The following OPCML variants were observed in gnomAD, a reference collection of about 807,000 sequenced individuals.
OPCML encodes opioid-binding protein/cell adhesion molecule.
In OPCML, 13 loss-of-function variants were observed where a neutral mutation model predicts 37.8. The ratio of observed to expected loss-of-function variants is 0.34; its 90% CI spans 0.22 to 0.55. The LOEUF (loss-of-function observed/expected upper bound fraction) is 0.55, where lower values mean the gene tolerates loss of function less well. Ranked by LOEUF, OPCML falls within the 20% of genes least tolerant of loss-of-function variation. OPCML has a pLI of 0.91. For synonymous variants in OPCML, 176 were observed against 168.8 expected (o/e 1.04, Z -0.33); for missense variants, 341 against 435.6 (o/e 0.78, Z 1.93).
intron 1 of OPCML, among the ~76,000 whole-genome samples, chr11:133,352,375 A>T (rs1944161239): frequency 6.6e-6 from 1 of 152,128 alleles, no homozygotes; most frequent in African/African-American, 2.4e-5. Flanking sequence ...TTGGCCGGGA[A>T]TGCTCTTTCC....
chr11:132,784,233 T>C (rs1434074853), intron 2 of OPCML, among the ~76,000 whole-genome samples: 1 of 152,152 alleles, frequency 6.6e-6, no homozygotes, highest in East Asian at 1.9e-4. Context: ...CTTGTAACAA[T>C]TTGCCTTAAC....
intron 2 of OPCML, among the ~76,000 whole-genome samples, chr11:132,676,001 G>GA (rs538782679): frequency 2.0e-5 from 3 of 152,076 alleles, no homozygotes; most frequent in African/African-American, 7.2e-5. Context: ...TGTAAAAGGA[G>GA]AAAAAAGTTG....
intron 1 of OPCML, among the ~76,000 whole-genome samples, chr11:133,501,973 A>ACGAC (rs956231143): frequency 6.7e-6 from 1 of 149,840 alleles, no homozygotes; most frequent in African/African-American, 2.5e-5. Flanking sequence ...CGCCCCTTCC[A>ACGAC]CGACCGCTGC....
intron 2 of OPCML, among the ~76,000 whole-genome samples, chr11:132,732,441 T>C (rs1005342779): frequency 5.9e-5 from 9 of 152,280 alleles, no homozygotes; most frequent in Admixed American, 5.9e-4. Context: ...TGGGTTTATC[T>C]TGAGGGTATT....
chr11:132,556,008 GGCCCACTGCA>G (rs1426575311), intron 3 of OPCML, among the ~76,000 whole-genome samples: 6 of 151,940 alleles, frequency 3.9e-5, no homozygotes, highest in Non-Finnish European at 7.4e-5. Flanking sequence ...GTGTGATCAT[GGCCCACTGCA>G]GCCTCGACCT....
chr11:132,510,654 T>C (rs1368914634), intron 4 of OPCML, among the ~76,000 whole-genome samples: 1 of 152,208 alleles, frequency 6.6e-6, no homozygotes, highest in African/African-American at 2.4e-5. Flanking sequence ...GCTGCCACCA[T>C]GTAAGAAATA....
chr11:132,953,457 G>C (rs981824452), intron 1 of OPCML, among the ~76,000 whole-genome samples: 2 of 152,102 alleles, frequency 1.3e-5, no homozygotes, highest in African/African-American at 4.8e-5. Flanking sequence ...AAAGGCTGGA[G>C]ACCCCTATAA....
chr11:132,835,284 G>A (rs546417397), intron 2 of OPCML, among the ~76,000 whole-genome samples: 2 of 152,210 alleles, frequency 1.3e-5, no homozygotes, highest in Non-Finnish European at 2.9e-5. Context: ...AGACTGCTGC[G>A]GAAGTGTGGG....
At chr11:132,504,968 G>GC (rs1398643625) in intron 4 of OPCML, among the ~76,000 whole-genome samples, 1 of 152,000 alleles carries the variant, frequency 6.6e-6, no homozygotes, top group Non-Finnish European at 1.5e-5. Flanking sequence ...GTCAATGAGT[G>GC]CCCCCCAAGC....
At chr11:133,142,244 C>A (rs1005674689) in intron 1 of OPCML, among the ~76,000 whole-genome samples, 3 of 152,180 alleles carry the variant, frequency 2.0e-5, no homozygotes, top group African/African-American at 7.2e-5. Flanking sequence ...GGTCGCAACT[C>A]ATTAATAAAT....
intron 2 of OPCML, among the ~76,000 whole-genome samples, chr11:132,871,722 A>G (rs1360463467): frequency 2.0e-5 from 3 of 152,224 alleles, no homozygotes; most frequent in African/African-American, 4.8e-5. Flanking sequence ...TACGCACTCA[A>G]ATAGCCATGT....
intron 2 of OPCML, among the ~76,000 whole-genome samples, chr11:132,878,681 C>A (rs1421440448): frequency 6.6e-6 from 1 of 152,050 alleles, no homozygotes; most frequent in Non-Finnish European, 1.5e-5. Context: ...ATAAACAGAG[C>A]CAGTAGATCT....
At chr11:132,996,072 G>C (rs759863691) in intron 1 of OPCML, among the ~76,000 whole-genome samples, 8 of 152,240 alleles carry the variant, frequency 5.3e-5, no homozygotes, top group Non-Finnish European at 1.0e-4. Flanking sequence ...CTGCTGCCTA[G>C]GGAGCACGCA....
intron 1 of OPCML, chr11:133,360,890 C>T (rs1159638520): frequency 2.6e-5 from 4 of 152,396 alleles, no homozygotes; most frequent in Admixed American, 6.5e-5. Context: ...AGTAGTCACA[C>T]GCGGTAGATA....
chr11:133,502,579 A>G (rs779665100), intron 1 of OPCML, among the ~76,000 whole-genome samples: 2 of 152,248 alleles, frequency 1.3e-5, no homozygotes, highest in Non-Finnish European at 2.9e-5. Flanking sequence ...CCTGTACAGG[A>G]AAAAAGAAAC....
At chr11:132,631,243 T>C (rs1244888266) in intron 3 of OPCML, among the ~76,000 whole-genome samples, 1 of 151,550 alleles carries the variant, frequency 6.6e-6, no homozygotes, top group Non-Finnish European at 1.5e-5. Context: ...ATTGAGTATA[T>C]AAACTTTTCA....
At chr11:132,596,771 A>G (rs1271290877) in intron 3 of OPCML, among the ~76,000 whole-genome samples, 1 of 152,190 alleles carries the variant, frequency 6.6e-6, no homozygotes, top group East Asian at 1.9e-4. Flanking sequence ...TGTAAAAATG[A>G]CCTTTGGTTG....
At chr11:133,516,881 G>T (rs1948289497) in intron 1 of OPCML, among the ~76,000 whole-genome samples, 1 of 152,170 alleles carries the variant, frequency 6.6e-6, no homozygotes, top group African/African-American at 2.4e-5. Context: ...TGTATTCACT[G>T]ATGTGTTACT....
chr11:132,860,526 T>A (rs958674834), intron 2 of OPCML: 3 of 152,182 alleles, frequency 2.0e-5, no homozygotes. Flanking sequence ...CCCGAAGGCC[T>A]GTATTGAGAC....
Sources: gnomAD v4.1 joint callset for allele counts (sites outside exome capture counted in the v4.1 genomes callset) on GRCh38, gnomAD v4.1.1 for gene constraint, MANE v1.5 for transcripts, NCBI Gene and HGNC (gene_info 2026-07-23, HGNC 2026-07-21) for gene names.